SORL1: variants seen among roughly 807,000 people sequenced by gnomAD.
SORL1 encodes sortilin-related receptor.
In SORL1, 127 loss-of-function variants were observed where a neutral mutation model predicts 273.7. The ratio of observed to expected loss-of-function variants is 0.46; its 90% CI spans 0.40 to 0.54. The LOEUF (loss-of-function observed/expected upper bound fraction) is 0.54, where lower values mean the gene tolerates loss of function less well. Among genes scored for constraint, SORL1 ranks in the 20% least tolerant of loss-of-function variants. The pLI is 0.00. For missense variants in SORL1, 2,494 were observed against 2,846.1 expected, an observed-to-expected ratio of 0.88 and a Z score of 2.81; for synonymous variants, 1,031 against 1,067.4, an observed-to-expected ratio of 0.97 and a Z score of 0.66.
intron 41 of SORL1, among the ~76,000 whole-genome samples, chr11:121,618,147 G>T (rs533428574): frequency 3.9e-5 from 6 of 152,206 alleles, no homozygotes; most frequent in Non-Finnish European, 8.8e-5. Flanking sequence ...CATCTCAATG[G>T]CTGGAAGCTC....
intron 2 of SORL1, among the ~76,000 whole-genome samples, chr11:121,472,128 G>A (rs1861179747): frequency 1.3e-5 from 2 of 152,130 alleles, no homozygotes; most frequent in African/African-American, 4.8e-5. Context: ...CTGAGTGACA[G>A]TGAGACCCTC....
intron 4 of SORL1, 149 bp from the exon 5 acceptor site, chr11:121,489,894 T>C: frequency 6.5e-6 from 4 of 619,940 alleles, no homozygotes; most frequent in Non-Finnish European, 8.8e-6. Context: ...TGTTTGCTTT[T>C]GGAGCAACTG....
At chr11:121,601,875 G>C (rs549229344) in intron 32 of SORL1, among the ~76,000 whole-genome samples, 1 of 152,276 alleles carries the variant, frequency 6.6e-6, no homozygotes, top group Admixed American at 6.5e-5. Flanking sequence ...GGGGGTTTTG[G>C]TATTTTTCAA....
At chr11:121,522,519 C>T in intron 9 of SORL1, 67 bp from the exon 10 acceptor site, 1 of 1,220,634 alleles carries the variant, frequency 8.2e-7, no homozygotes, top group Non-Finnish European at 1.2e-6. Context: ...ACACAGGCCG[C>T]AGGGTTTACA....
chr11:121,597,555 G>A (rs377599081), intron 32 of SORL1, among the ~76,000 whole-genome samples: 2 of 151,514 alleles, frequency 1.3e-5, no homozygotes, highest in Non-Finnish European at 1.5e-5. Flanking sequence ...TCCGCCTTTC[G>A]AGCTCAAGTG....
chr11:121,538,147 T>G lies in SORL1; in HGVS notation c.1686-5401T>G, dbSNP rs562910772. On this transcript the variant is annotated intron_variant, in intron 12 of 47. Coordinates refer to ENST00000260197, the MANE Select transcript of SORL1 (RefSeq NM_003105.6). ...ATTAATAAAAACCTCTGACAGTGTT[T>G]CCATTTTTAACAGCCATCTCAAACT... Among the ~76,000 whole-genome samples the G allele has an allele frequency of 3.3e-5, 5 of 151,042 alleles. No individual in the cohort carries two copies. In the East Asian group the frequency reaches 9.8e-4, roughly 30 times the overall value.
At chr11:121,458,902 T>C (rs1400025290) in intron 1 of SORL1, among the ~76,000 whole-genome samples, 2 of 152,180 alleles carry the variant, frequency 1.3e-5, no homozygotes, top group African/African-American at 4.8e-5. Flanking sequence ...TCCGTAAAAA[T>C]AGGACTGCGT....
rs753759390 is a variant in SORL1, at chr11:121,488,145, G to A, written c.642G>A (p.Lys214=). 6.2e-7 allele frequency: 1 copy of A among 1,614,128 alleles called. No individual in the cohort carries two copies. Among genetic ancestry groups the A allele is most frequent in the Non-Finnish European group, 8.5e-7 (1 of 1,180,030 alleles). Residue 214 remains lysine (K), a synonymous_variant, in exon 4 of 48, where the codon AAG becomes AAA. Coordinates refer to ENST00000260197, the MANE Select transcript of SORL1 (RefSeq NM_003105.6). The part of the protein sequence containing the change: ...FRAADLLLHS[K]ASNLLLGFDR... Reference sequence around the variant, plus strand: ...CAGCTGATCTCCTCCTACACAGTAAGGCCTCCAACCTTCTCTTGGGCTTTG... The same window carrying A: ...CAGCTGATCTCCTCCTACACAGTAAAGCCTCCAACCTTCTCTTGGGCTTTG...
chr11:121,553,997 C>T lies in SORL1; in HGVS notation c.2327C>T (p.Ser776Leu), dbSNP rs766557470. Residue 776 changes from serine (S) to leucine (L), a missense_variant, in exon 17 of 48, where the codon TCG (serine) becomes TTG (leucine). Ser to Leu is a moderately radical substitution (Grantham distance 145, BLOSUM62 -2). This residue lies in a region of SORL1 where 710 missense variants were observed against 882.5 expected (regional missense o/e 0.80). Coordinates refer to ENST00000260197, the MANE Select transcript of SORL1 (RefSeq NM_003105.6). ...RKSIYRYDLA[S>L]GATEQLPLTG... ...TCCATCTACCGCTATGACCTGGCCT[C>T]GGGAGCCACCGAGCAGTTGCCTCTC... The T allele has an allele frequency of 9.3e-6, 15 of 1,614,050 alleles. No individual in the cohort carries two copies. Among genetic ancestry groups the T allele is most frequent in the East Asian group, 2.2e-5 (1 of 44,900 alleles).
At chr11:121,507,119 G>A (rs1861800649) in intron 6 of SORL1, among the ~76,000 whole-genome samples, 1 of 152,002 alleles carries the variant, frequency 6.6e-6, no homozygotes, top group Non-Finnish European at 1.5e-5. Context: ...TGCTATTATT[G>A]TTTCATCTTT....
At chr11:121,475,787 C>T (rs529191205) in intron 2 of SORL1, among the ~76,000 whole-genome samples, 19 of 152,336 alleles carry the variant, frequency 1.2e-4, no homozygotes, top group Admixed American at 2.0e-4. Context: ...CCATTCACTT[C>T]TGGGAATCTT....
chr11:121,621,074 T>C lies in SORL1; in HGVS notation c.5900T>C (p.Val1967Ala), dbSNP rs769278572. The part of the protein sequence containing the change: ...DSPDQDLLYA[V>A]AVKDLIRKTD... ...CTTTTTTGGTCCTAGTTGTATGCAG[T>C]TGCAGTCAAAGATCTCATAAGAAAG... is the stretch of plus-strand genomic sequence containing the variant. Residue 1967 changes from valine (V) to alanine (A), a missense_variant, in exon 44 of 48, where the codon GTT (valine) becomes GCT (alanine). Val to Ala is a moderately conservative substitution (Grantham distance 64, BLOSUM62 0). Transcript: ENST00000260197. The C allele has an allele frequency of 6.2e-7, 1 of 1,608,794 alleles. No individual in the cohort carries two copies. Among genetic ancestry groups the C allele is most frequent in the South Asian group, 1.1e-5 (1 of 90,172 alleles).
At chr11:121,583,607 C>A in intron 26 of SORL1, 24 bp downstream of exon 26, 2 of 1,584,590 alleles carry the variant, frequency 1.3e-6, no homozygotes, top group African/African-American at 2.7e-5. Context: ...CCCCAGCTCC[C>A]TCCCTGAGCC....
intron 32 of SORL1, among the ~76,000 whole-genome samples, chr11:121,599,213 G>A (rs1184205464): frequency 6.6e-6 from 1 of 152,128 alleles, no homozygotes; most frequent in Non-Finnish European, 1.5e-5. Flanking sequence ...TGATACTTGT[G>A]TATAAATCCA....
chr11:121,629,492 C>G lies in SORL1; in HGVS notation c.6578-4C>G, dbSNP rs149409655. The G allele has an allele frequency of 6.5e-7, 1 of 1,535,132 alleles. No individual in the cohort carries two copies. The highest frequency in any genetic ancestry group is 1.4e-5 in the African/African-American group (1 of 73,302). ...TCACCAAGGCCTGACTGTTTTGTCT[C>G]TAGGGGAAGATGATGAAGATGCCCC... is the stretch of plus-strand genomic sequence containing the variant. On this transcript the variant is annotated splice_region_variant and splice_polypyrimidine_tract_variant and intron_variant, in intron 47 of 47. Coordinates refer to ENST00000260197, the MANE Select transcript of SORL1 (RefSeq NM_003105.6).
At chr11:121,559,963 CAT>C (rs1445445812) in intron 21 of SORL1, among the ~76,000 whole-genome samples, 11 of 152,302 alleles carry the variant, frequency 7.2e-5, no homozygotes, top group African/African-American at 1.7e-4. Flanking sequence ...AGAGTCCTAA[CAT>C]GTGCTTAATC....
intron 22 of SORL1, among the ~76,000 whole-genome samples, 157 bp from the exon 23 acceptor site, chr11:121,570,000 C>G (rs1019332726): frequency 6.6e-6 from 1 of 152,098 alleles, no homozygotes; most frequent in African/African-American, 2.4e-5. Flanking sequence ...TAGAAAAGAA[C>G]CTATGTGAAA....
At chr11:121,497,519 T>C (rs1175844029) in intron 6 of SORL1, among the ~76,000 whole-genome samples, 3 of 152,208 alleles carry the variant, frequency 2.0e-5, no homozygotes, top group Non-Finnish European at 4.4e-5. Context: ...TGGGAGTTAA[T>C]GCTCTAAGAA....
intron 37 of SORL1, 49 bp from the exon 38 acceptor site, chr11:121,608,055 A>G (rs775472453): frequency 6.7e-6 from 10 of 1,495,250 alleles, no homozygotes; most frequent in Admixed American, 3.3e-5. Context: ...TGTATGGTGT[A>G]TGGTGTATTG....
Sources: allele counts gnomAD v4.1 joint callset (sites outside exome capture counted in the v4.1 genomes callset), GRCh38; gene constraint gnomAD v4.1.1; regional missense constraint gnomAD v4.1.1; transcripts MANE v1.5; gene names NCBI Gene and HGNC (gene_info 2026-07-23, HGNC 2026-07-21).